Variants in BMPR2 observed in about 807,000 individuals in gnomAD.
The protein encoded by BMPR2 is bone morphogenetic protein receptor type-2.
BMPR2 carries 29 observed loss-of-function variants against 100.8 expected under a neutral mutation model. The ratio of observed to expected loss-of-function variants is 0.29; its 90% CI spans 0.21 to 0.39. BMPR2 has a LOEUF of 0.39. BMPR2 is among the 10% of genes least tolerant of loss of function. The pLI, the probability that BMPR2 is intolerant of heterozygous loss-of-function variation, is 1.00. For synonymous variants in BMPR2, 382 were observed against 442.3 expected (o/e 0.86, Z 1.71); for missense variants, 1,011 against 1,274.5 (o/e 0.79, Z 3.15).
At chr2:202,517,630 G>A (rs1051654223) in intron 5 of BMPR2, among the ~76,000 whole-genome samples, 28 of 152,020 alleles carry the variant, frequency 1.8e-4, no homozygotes, top group African/African-American at 6.0e-4. Context: ...GATTACAGGC[G>A]TGAGCCACCA....
intron 1 of BMPR2, among the ~76,000 whole-genome samples, chr2:202,436,509 G>A (rs1691619229): frequency 1.3e-5 from 2 of 150,514 alleles, no homozygotes. Flanking sequence ...GAAAAGAAAA[G>A]GAAACTTAGT....
intron 1 of BMPR2, among the ~76,000 whole-genome samples, chr2:202,448,071 T>A (rs563706072): frequency 6.7e-6 from 1 of 150,326 alleles, no homozygotes; most frequent in African/African-American, 2.5e-5. Flanking sequence ...GTGGGCACTG[T>A]CTTATTCCCA....
In BMPR2 at chr2:202,535,087, A is replaced by T. The variant is rs1418521088; in HGVS notation, c.1276+2355A>T. On this transcript the variant is annotated intron_variant, in intron 9 of 12. Transcript: ENST00000374580. ...GGTCGGCTGGCCTGGCTGGGGGCTGACCCCCCCACCTCCCTCCCGGACGGG... is the reference window on the plus strand; with the variant it reads ...GGTCGGCTGGCCTGGCTGGGGGCTGTCCCCCCCACCTCCCTCCCGGACGGG... Among the ~76,000 whole-genome samples, 5 of 93,972 alleles carry T rather than the reference A, an allele frequency of 5.3e-5. 1 individual carries two copies. The highest frequency in any genetic ancestry group is 2.1e-4 in the African/African-American group (5 of 23,418). 61.6% of individuals were successfully genotyped at this position (93,972 alleles called of 152,430 possible).
intron 3 of BMPR2, among the ~76,000 whole-genome samples, chr2:202,504,484 ACT>A (rs1381306067): frequency 6.6e-6 from 1 of 151,724 alleles, no homozygotes; most frequent in Non-Finnish European, 1.5e-5. Context: ...GAAGGAAGAA[ACT>A]CTGAACACAT....
chr2:202,513,253 G>A (rs937990140), intron 3 of BMPR2, among the ~76,000 whole-genome samples: 5 of 152,190 alleles, frequency 3.3e-5, no homozygotes, highest in African/African-American at 1.2e-4. Flanking sequence ...TTATAGGCAT[G>A]AGCCACTGTG....
chr2:202,418,734 A>G (rs977625761), intron 1 of BMPR2, among the ~76,000 whole-genome samples: 1 of 152,226 alleles, frequency 6.6e-6, no homozygotes, highest in Non-Finnish European at 1.5e-5. Flanking sequence ...GGGGAGACCA[A>G]GGTTCTTATG....
chr2:202,534,250 T>G (rs1255642959), intron 9 of BMPR2, among the ~76,000 whole-genome samples: 1 of 148,668 alleles, frequency 6.7e-6, no homozygotes, highest in Admixed American at 6.7e-5. Context: ...AAATTTTTAT[T>G]TATTTATTTA....
At chr2:202,493,757 C>A (rs1458621391) in intron 3 of BMPR2, among the ~76,000 whole-genome samples, 2 of 152,052 alleles carry the variant, frequency 1.3e-5, no homozygotes. Flanking sequence ...TCTTTTCTAA[C>A]CTTTTGGCGG....
At chr2:202,545,537 C>T (rs1688360142) in intron 10 of BMPR2, among the ~76,000 whole-genome samples, 1 of 152,114 alleles carries the variant, frequency 6.6e-6, no homozygotes, top group Non-Finnish European at 1.5e-5. Context: ...TGTATTTTCA[C>T]ATTTCAATTT....
rs1691052440 is a variant in BMPR2, at chr2:202,413,358, C to T, written c.76+35808C>T. ...TTCAGTCAGTCATGAGTTATACAGG[C>T]ATGAATTATAGTGCTGGTAGCCAGG... On this transcript the variant is annotated intron_variant, in intron 1 of 12. Coordinates refer to ENST00000374580, the MANE Select transcript of BMPR2 (RefSeq NM_001204.7). Among the ~76,000 whole-genome samples, 3 of 152,162 alleles carry T rather than the reference C, an allele frequency of 2.0e-5. No individual in the cohort carries two copies. The South Asian group carries it at 6.2e-4, about 32-fold the overall frequency.
chr2:202,534,234 T>A (rs951891491), intron 9 of BMPR2, among the ~76,000 whole-genome samples: 62 of 148,734 alleles, frequency 4.2e-4, no homozygotes, highest in Non-Finnish European at 3.6e-4. Context: ...TATATATATA[T>A]AAATAAAATT....
In BMPR2 at chr2:202,423,896, T is replaced by A. The variant is rs147700502; in HGVS notation, c.77-40913T>A. ...ATGGCGAAACCCTGTCTCTACTAAA[T>A]ATACAAAAATTATATTTGTTTAATT... On this transcript the variant is annotated intron_variant, in intron 1 of 12. Transcript: ENST00000374580. Among the ~76,000 whole-genome samples the A allele has an allele frequency of 7.7e-3, 1,158 of 151,082 alleles. 8 individuals are homozygous for A. Among genetic ancestry groups the A allele is most frequent in the Admixed American group, 0.012 (184 of 15,190 alleles).
Position 202,513,794 on chromosome 2 carries a change from T to C in BMPR2, c.494T>C (p.Ile165Thr). 1 of 1,612,946 alleles carries C rather than the reference T, an allele frequency of 6.2e-7. No individual in the cohort carries two copies. The highest frequency in any genetic ancestry group is 8.5e-7 in the Non-Finnish European group (1 of 1,179,244). The change falls in exon 4 of 13, where the codon ATA (isoleucine) becomes ACA (threonine). Residue 165 changes from isoleucine (I) to threonine (T), a missense_variant. This residue lies in a region of BMPR2 where 355 missense variants were observed against 455.3 expected (regional missense o/e 0.78). Transcript: ENST00000374580. ...LASVSVLAVLIVALCFGYRML... is the reference protein window; with the variant it reads ...LASVSVLAVLTVALCFGYRML... Reference sequence around the variant, plus strand: ...TCAGTCTCTGTATTAGCTGTTTTGATAGTTGCCTTATGCTTTGGATACAGA... The same window carrying C: ...TCAGTCTCTGTATTAGCTGTTTTGACAGTTGCCTTATGCTTTGGATACAGA...
intron 9 of BMPR2, among the ~76,000 whole-genome samples, chr2:202,536,945 C>T (rs1057328351): frequency 2.0e-5 from 3 of 151,882 alleles, no homozygotes; most frequent in Admixed American, 6.6e-5. Flanking sequence ...CTGCCCAGGC[C>T]GGAGTGCAGT....
At chr2:202,399,719 T>C (rs1280476511) in intron 1 of BMPR2, among the ~76,000 whole-genome samples, 1 of 152,122 alleles carries the variant, frequency 6.6e-6, no homozygotes, top group East Asian at 1.9e-4. Flanking sequence ...CAGGTTGGAT[T>C]TTTTCCTCTA....
At chr2:202,551,606 G>T (rs1490900144) in intron 10 of BMPR2, among the ~76,000 whole-genome samples, 1 of 152,192 alleles carries the variant, frequency 6.6e-6, no homozygotes, top group Non-Finnish European at 1.5e-5. Context: ...CTAATAGATA[G>T]GAATACTGCA....
intron 1 of BMPR2, among the ~76,000 whole-genome samples, chr2:202,400,062 A>G (rs138938760): frequency 5.1e-4 from 77 of 152,270 alleles, no homozygotes; most frequent in African/African-American, 1.7e-3. Context: ...TGCATTGAGC[A>G]CAGATGATGC....
intron 1 of BMPR2, among the ~76,000 whole-genome samples, chr2:202,407,968 G>C (rs185903993): frequency 2.6e-5 from 4 of 151,522 alleles, no homozygotes; most frequent in African/African-American, 9.7e-5. Flanking sequence ...CGAGTAGCTG[G>C]GACTACAGGT....
In BMPR2 at chr2:202,514,870, T is replaced by G; in HGVS notation, c.530-18T>G. On this transcript the variant is annotated intron_variant, in intron 4 of 12. Transcript: ENST00000374580. ...TTAAGAAAACCATATATTAGTAACC[T>G]GTTTCCTGTTCTTATAGGAGACCGT... 6.3e-7 allele frequency: 1 copy of G among 1,596,024 alleles called. No homozygotes were observed. The highest frequency in any genetic ancestry group is 8.6e-7 in the Non-Finnish European group (1 of 1,163,606).
Sources: gnomAD v4.1 joint callset for allele counts (sites outside exome capture counted in the v4.1 genomes callset) on GRCh38, gnomAD v4.1.1 for gene constraint, gnomAD v4.1.1 regional missense constraint, MANE v1.5 for transcripts, NCBI Gene and HGNC (gene_info 2026-07-23, HGNC 2026-07-21) for gene names.